JAK2: variants seen among roughly 807,000 people sequenced by gnomAD.
JAK2 encodes tyrosine-protein kinase JAK2.
Under a neutral mutation model 139.3 loss-of-function variants are expected in JAK2, and 86 were observed. That is an observed-to-expected ratio of 0.62 (90% CI 0.52 to 0.74). JAK2 has a LOEUF of 0.74. Among genes scored for constraint, JAK2 ranks in the 30% least tolerant of loss-of-function variants. JAK2 has a pLI of 0.00. For synonymous variants in JAK2, 490 were observed against 437.7 expected (o/e 1.12, Z -1.49); for missense variants, 1,421 against 1,360.3 (o/e 1.04, Z -0.70).
chr9:5,103,538 C>G (rs188959110), intron 22 of JAK2, among the ~76,000 whole-genome samples: 2 of 152,162 alleles, frequency 1.3e-5, no homozygotes, highest in Admixed American at 1.3e-4. Flanking sequence ...CAAGGATATC[C>G]AGGACATGAA....
rs1032206992 is a variant in JAK2 at position 5,101,457 on chromosome 9, A to G, written c.3059+10546A>G. ...TAGACCACACCTCTGGGGGCAGGGC[A>G]TAGCTGAAAAGGCAGCAGAAACTTC... On this transcript the variant is annotated intron_variant, in intron 22 of 24. Transcript: ENST00000381652. 3.3e-5 allele frequency among the ~76,000 whole-genome samples: 5 copies of G among 152,254 alleles called. No homozygotes were observed. The East Asian group carries it at 5.8e-4, about 18-fold the overall frequency.
At chr9:5,024,235 G>A (rs368113881) in intron 3 of JAK2, among the ~76,000 whole-genome samples, 167 of 152,174 alleles carry the variant, frequency 1.1e-3, no homozygotes, top group African/African-American at 3.7e-3. Context: ...CAGCCTGGGC[G>A]ACAGAGCGAG....
chr9:5,014,664 T>C lies in JAK2; in HGVS notation c.-25-7299T>C, dbSNP rs530722090. Among the ~76,000 whole-genome samples the C allele has an allele frequency of 2.2e-4, 33 of 152,328 alleles. No individual in the cohort carries two copies. In the South Asian group the frequency reaches 5.2e-3, roughly 24 times the overall value. ...TAGGTATATGCAGTGTCCAAACTTA[T>C]TGACTGGTACACTTAAGATTTGTGC... On this transcript the variant is annotated intron_variant, in intron 2 of 24. Coordinates refer to ENST00000381652, the MANE Select transcript of JAK2 (RefSeq NM_004972.4).
intron 19 of JAK2, chr9:5,086,218 C>T: frequency 1.7e-6 from 1 of 604,388 alleles, no homozygotes; most frequent in Non-Finnish European, 2.1e-6. Context: ...AGCGCGAGGC[C>T]ACGGTCGGAG....
intron 5 of JAK2, among the ~76,000 whole-genome samples, chr9:5,049,305 C>CA (rs1461803638): frequency 2.0e-5 from 3 of 152,182 alleles, no homozygotes; most frequent in African/African-American, 7.2e-5. Context: ...AGGGTACCTG[C>CA]AGTCGGACCC....
intron 2 of JAK2, among the ~76,000 whole-genome samples, chr9:5,002,658 T>C (rs1820994485): frequency 6.6e-6 from 1 of 151,976 alleles, no homozygotes; most frequent in Admixed American, 6.5e-5. Flanking sequence ...GGTTGATGTT[T>C]AGGTCTTCAT....
At chr9:5,121,367 C>G (rs927076071) in intron 22 of JAK2, among the ~76,000 whole-genome samples, 3 of 152,192 alleles carry the variant, frequency 2.0e-5, no homozygotes, top group African/African-American at 7.2e-5. Context: ...GAAGACTTGA[C>G]AGCACTATTT....
intron 4 of JAK2, among the ~76,000 whole-genome samples, chr9:5,043,097 A>G (rs1816732857): frequency 6.6e-6 from 1 of 152,194 alleles, no homozygotes; most frequent in Non-Finnish European, 1.5e-5. Flanking sequence ...AAGCAGCCGC[A>G]GACAAAATGC....
chr9:5,110,832 C>G (rs1034384079), intron 22 of JAK2: 1 of 453,304 alleles, frequency 2.2e-6, no homozygotes, highest in South Asian at 1.8e-5. Flanking sequence ...CCCGTTTGTT[C>G]GGGGAAGGTG....
intron 22 of JAK2, among the ~76,000 whole-genome samples, chr9:5,120,412 C>A (rs1200410818): frequency 6.6e-6 from 1 of 152,112 alleles, no homozygotes; most frequent in African/African-American, 2.4e-5. Context: ...CAGGATTTTG[C>A]CCATGATATC....
chr9:5,035,150 C>T (rs1360279602), intron 4 of JAK2, among the ~76,000 whole-genome samples: 1 of 152,138 alleles, frequency 6.6e-6, no homozygotes, highest in Non-Finnish European at 1.5e-5. Flanking sequence ...GGATAAATTC[C>T]TGGACACATA....
At chr9:5,041,641 T>C (rs1360774785) in intron 4 of JAK2, 8 of 503,116 alleles carry the variant, frequency 1.6e-5, no homozygotes, top group African/African-American at 9.9e-5. Flanking sequence ...TTTGAGAAGC[T>C]CGACTACGAC....
intron 2 of JAK2, among the ~76,000 whole-genome samples, chr9:5,006,974 G>A (rs981493437): frequency 3.9e-5 from 6 of 152,076 alleles, no homozygotes. Flanking sequence ...TGGTAATAAT[G>A]TCTACTTTTT....
chr9:5,094,960 T>A (rs971858507), intron 22 of JAK2: 1 of 152,190 alleles, frequency 6.6e-6, no homozygotes, highest in Non-Finnish European at 1.5e-5. Context: ...CCACTTACAT[T>A]AGCATTCTGC....
chr9:4,994,469 G>A (rs1820448516), intron 2 of JAK2, among the ~76,000 whole-genome samples: 1 of 152,162 alleles, frequency 6.6e-6, no homozygotes, highest in Non-Finnish European at 1.5e-5. Flanking sequence ...CAGGTGATCT[G>A]ATAATGTTGA....
intron 22 of JAK2, among the ~76,000 whole-genome samples, chr9:5,113,066 A>G (rs1366081896): frequency 6.6e-6 from 1 of 151,208 alleles, no homozygotes; most frequent in Admixed American, 6.6e-5. Flanking sequence ...GCTCCCTGGG[A>G]CCCCGGCTCA....
intron 3 of JAK2, among the ~76,000 whole-genome samples, chr9:5,026,610 T>G (rs2130121236): frequency 6.6e-6 from 1 of 152,352 alleles, no homozygotes; most frequent in South Asian, 2.1e-4. Flanking sequence ...TATTCATTTC[T>G]GATTTAATTG....
intron 2 of JAK2, among the ~76,000 whole-genome samples, chr9:4,995,298 C>T (rs978737624): frequency 3.3e-5 from 5 of 152,048 alleles, no homozygotes. Flanking sequence ...GAGTTGTTTT[C>T]CCTAGGTTGT....
At chr9:5,003,996 CTA>C (rs1821101047) in intron 2 of JAK2, among the ~76,000 whole-genome samples, 1 of 151,948 alleles carries the variant, frequency 6.6e-6, no homozygotes. Flanking sequence ...AATATATTGA[CTA>C]TTTAAAAAAT....
Sources: gnomAD v4.1 joint callset for allele counts (sites outside exome capture counted in the v4.1 genomes callset) on GRCh38, gnomAD v4.1.1 for gene constraint, MANE v1.5 for transcripts, NCBI Gene and HGNC (gene_info 2026-07-23, HGNC 2026-07-21) for gene names.